CYB5R4: variants seen among roughly 807,000 people sequenced by gnomAD.
CYB5R4 encodes the protein N-terminal cytochrome b5 and cytochrome b5 oxidoreductase domain-containing protein.
CYB5R4 carries 55 observed loss-of-function variants against 70.2 expected under a neutral mutation model. The observed-to-expected ratio is 0.78, with a 90% CI of 0.63 to 0.98. The LOEUF (loss-of-function observed/expected upper bound fraction) is 0.98. Among genes scored for constraint, CYB5R4 ranks in the 50% least tolerant of loss-of-function variants. The pLI is 0.00. For synonymous variants in CYB5R4, 197 were observed against 199.5 expected (o/e 0.99, Z 0.11); for missense variants, 562 against 612.6 (o/e 0.92, Z 0.87).
At chr6:83,875,843 A>T (rs1465221198) in intron 2 of CYB5R4, among the ~76,000 whole-genome samples, 1 of 152,182 alleles carries the variant, frequency 6.6e-6, no homozygotes, top group Non-Finnish European at 1.5e-5. Context: ...GGATATCTGG[A>T]TACTCCCAAG....
At chr6:83,924,425 G>T (rs531972135) in intron 9 of CYB5R4, 45 bp from the exon 10 acceptor site, 1 of 1,592,242 alleles carries the variant, frequency 6.3e-7, no homozygotes, top group Non-Finnish European at 8.6e-7. Flanking sequence ...ATAAAATCTT[G>T]TATTTAGTAT....
Position 83,961,354 on chromosome 6 carries a change from C to G in CYB5R4, c.*1476C>G, listed in dbSNP as rs762404065. The G allele has an allele frequency of 3.3e-5, 5 of 151,868 alleles. No individual in the cohort carries two copies. Among genetic ancestry groups the G allele is most frequent in the Non-Finnish European group, 7.4e-5 (5 of 68,004 alleles). The allele number at this position is 151,868 out of a possible 1,614,324, so 9.4% of individuals were successfully genotyped here. On this transcript the variant is annotated 3_prime_UTR_variant, in exon 16 of 16. Transcript: ENST00000369681. Reference sequence around the variant, plus strand: ...CATCTAAGGGTGAGGTGATTTGGCTCTGTGTCCTCACCCAAATCTCCTCTC... The same window carrying G: ...CATCTAAGGGTGAGGTGATTTGGCTGTGTGTCCTCACCCAAATCTCCTCTC...
At chr6:83,899,741 G>C (rs1164615133) in intron 3 of CYB5R4, among the ~76,000 whole-genome samples, 1 of 152,168 alleles carries the variant, frequency 6.6e-6, no homozygotes, top group African/African-American at 2.4e-5. Flanking sequence ...AGATTTTCTA[G>C]TTTATTTGCA....
intron 5 of CYB5R4, among the ~76,000 whole-genome samples, chr6:83,917,363 C>T (rs1385102865): frequency 6.6e-6 from 1 of 152,172 alleles, no homozygotes; most frequent in South Asian, 2.1e-4. Flanking sequence ...TACAAACACC[C>T]TTCATACTAA....
At chr6:83,869,492 A>G (rs1333422289) in intron 2 of CYB5R4, among the ~76,000 whole-genome samples, 1 of 152,192 alleles carries the variant, frequency 6.6e-6, no homozygotes, top group Non-Finnish European at 1.5e-5. Context: ...AGGTTAGACA[A>G]GGCTATGTTC....
intron 2 of CYB5R4, among the ~76,000 whole-genome samples, chr6:83,875,287 T>A (rs1378658213): frequency 6.6e-6 from 1 of 152,068 alleles, no homozygotes; most frequent in Non-Finnish European, 1.5e-5. Flanking sequence ...AATTTTAATG[T>A]TTTTTTAGAT....
At chr6:83,914,897 T>G (rs947985919) in intron 5 of CYB5R4, among the ~76,000 whole-genome samples, 1 of 151,910 alleles carries the variant, frequency 6.6e-6, no homozygotes, top group Non-Finnish European at 1.5e-5. Flanking sequence ...TTAAGAGTCT[T>G]TTGTAGGGTT....
intron 3 of CYB5R4, among the ~76,000 whole-genome samples, chr6:83,906,800 A>G (rs961328785): frequency 7.2e-5 from 11 of 152,120 alleles, no homozygotes; most frequent in African/African-American, 2.2e-4. Context: ...CATACTTACT[A>G]TTTTAGTGCA....
chr6:83,937,574 C>G (rs2099469120), intron 12 of CYB5R4, among the ~76,000 whole-genome samples: 2 of 152,142 alleles, frequency 1.3e-5, no homozygotes, highest in Admixed American at 1.3e-4. Context: ...GGCTGGAGTG[C>G]AGTGGCTCGA....
chr6:83,911,542 A>T (rs1402968938), intron 4 of CYB5R4, among the ~76,000 whole-genome samples: 1 of 152,190 alleles, frequency 6.6e-6, no homozygotes, highest in Non-Finnish European at 1.5e-5. Context: ...AGATAATTGT[A>T]AAACATTCAA....
At chr6:83,866,324 A>G (rs1333132323) in intron 2 of CYB5R4, among the ~76,000 whole-genome samples, 5 of 152,172 alleles carry the variant, frequency 3.3e-5, no homozygotes, top group African/African-American at 7.2e-5. Flanking sequence ...CCCTTATCCA[A>G]AATGCTTGGG....
rs149944593 is a variant in CYB5R4, at chr6:83,963,659, T to C, written c.*3781T>C. ...AAATTCAAAAATGAGTTTACTTTCT[T>C]TGTTAAAGTTCTCTTTTGATGCATA... On this transcript the variant is annotated 3_prime_UTR_variant, in exon 16 of 16. Transcript: ENST00000369681. 6.6e-6 allele frequency: 1 copy of C among 152,324 alleles called. No homozygotes were observed. The highest frequency in any genetic ancestry group is 2.4e-5 in the African/African-American group (1 of 41,560). 9.4% of individuals were successfully genotyped at this position (152,324 alleles called of 1,614,324 possible).
chr6:83,884,589 C>T (rs1588563515), intron 2 of CYB5R4, among the ~76,000 whole-genome samples: 1 of 152,194 alleles, frequency 6.6e-6, no homozygotes, highest in East Asian at 1.9e-4. Context: ...AACACCTTTC[C>T]TCAGCAGTTG....
chr6:83,941,089 G>A (rs1167647785), intron 14 of CYB5R4, among the ~76,000 whole-genome samples: 3 of 152,072 alleles, frequency 2.0e-5, no homozygotes, highest in Admixed American at 6.6e-5. Context: ...TTGTTTGTTT[G>A]CATTAACACT....
chr6:83,952,823 T>G (rs2099471758), intron 14 of CYB5R4, among the ~76,000 whole-genome samples: 1 of 152,166 alleles, frequency 6.6e-6, no homozygotes, highest in Admixed American at 6.6e-5. Context: ...GTGGCTCATC[T>G]CCCTGTAGTG....
chr6:83,903,735 C>T (rs1261683207), intron 3 of CYB5R4, among the ~76,000 whole-genome samples: 1 of 151,846 alleles, frequency 6.6e-6, no homozygotes, highest in African/African-American at 2.4e-5. Flanking sequence ...GGTTATTGGT[C>T]TGTTCATGTT....
At chr6:83,943,156 C>T (rs545070859) in intron 14 of CYB5R4, among the ~76,000 whole-genome samples, 151 of 152,302 alleles carry the variant, frequency 9.9e-4, no homozygotes, top group African/African-American at 3.4e-3. Context: ...GACACCTGAG[C>T]CTCCTGACGG....
chr6:83,955,794 A>G (rs2099472337), intron 15 of CYB5R4, among the ~76,000 whole-genome samples: 1 of 152,160 alleles, frequency 6.6e-6, no homozygotes, highest in Admixed American at 6.5e-5. Flanking sequence ...GCTTCATAAT[A>G]TATAGTAATT....
chr6:83,924,142 C>CT (rs35960110), intron 9 of CYB5R4, among the ~76,000 whole-genome samples: 6,400 of 129,870 alleles, frequency 0.049, 525 homozygotes, highest in African/African-American at 0.17. Flanking sequence ...ACATCTCAAC[C>CT]TTTTTTTTTT....
Sources: allele counts gnomAD v4.1 joint callset (sites outside exome capture counted in the v4.1 genomes callset), GRCh38; gene constraint gnomAD v4.1.1; transcripts MANE v1.5; gene names NCBI Gene and HGNC (gene_info 2026-07-23, HGNC 2026-07-21).